RNF220: variants seen among roughly 807,000 people sequenced by gnomAD.
RNF220 encodes the protein ring finger protein 220.
RNF220 carries 7 observed loss-of-function variants against 67.1 expected under a neutral mutation model. That is an observed-to-expected ratio of 0.10 (90% confidence interval 0.06 to 0.20). The LOEUF is 0.20. Ranked by LOEUF, RNF220 falls within the 10% of genes least tolerant of loss-of-function variation. The probability of loss-of-function intolerance (pLI) is 1.00; values close to 1 mark genes in which losing one functional copy is unlikely to be tolerated. For missense variants in RNF220, 565 were observed against 740.3 expected (o/e 0.76, Z 2.75); for synonymous variants, 270 against 283.2 (o/e 0.95, Z 0.47).
At chr1:44,507,464 G>A (rs375512506) in intron 2 of RNF220, among the ~76,000 whole-genome samples, 1 of 152,016 alleles carries the variant, frequency 6.6e-6, no homozygotes, top group East Asian at 1.9e-4. Context: ...TGGGGGTGGG[G>A]TGAAGGGGGA....
intron 6 of RNF220, among the ~76,000 whole-genome samples, chr1:44,633,383 A>G (rs889856274): frequency 5.9e-5 from 9 of 152,212 alleles, no homozygotes; most frequent in Admixed American, 3.9e-4. Flanking sequence ...TGTTTCTCCA[A>G]CCATGCCATG....
chr1:44,551,411 G>T (rs566816952), intron 2 of RNF220, among the ~76,000 whole-genome samples: 1 of 44,202 alleles, frequency 2.3e-5, no homozygotes, highest in Non-Finnish European at 2.1e-4. Flanking sequence ...CACCGTGCCC[G>T]GCCATTTTTT....
intron 2 of RNF220, among the ~76,000 whole-genome samples, chr1:44,570,981 G>A (rs1433425381): frequency 6.6e-6 from 1 of 152,046 alleles, no homozygotes; most frequent in African/African-American, 2.4e-5. Context: ...GGCTGAGGCA[G>A]GAGAATCGCT....
In RNF220 at chr1:44,545,757, AT is replaced by A. The variant is rs11372709; in HGVS notation, c.626-68392del. Among the ~76,000 whole-genome samples, 1,295 of 140,624 alleles carry A rather than the reference AT, an allele frequency of 9.2e-3. 12 individuals carry two copies. The highest frequency in any genetic ancestry group is 0.026 in the African/African-American group (985 of 37,800). The allele number at this position is 140,624 out of a possible 152,430, so 92.3% of individuals were successfully genotyped here. A position where few individuals can be genotyped will look rare whatever the true frequency, so the allele number is the denominator to read the frequency against. ...CTGCAACCTCTTCATCAGAAACCCA[AT>A]TTTTTTTTTTTTTTTGAGATGGAGT... On this transcript the variant is annotated intron_variant, in intron 2 of 14. Coordinates refer to ENST00000361799, the MANE Select transcript of RNF220 (RefSeq NM_018150.4).
chr1:44,568,334 T>C (rs2148310392), intron 2 of RNF220, among the ~76,000 whole-genome samples: 1 of 152,338 alleles, frequency 6.6e-6, no homozygotes, highest in African/African-American at 2.4e-5. Context: ...AACATTCTAA[T>C]GATATGACTC....
intron 2 of RNF220, among the ~76,000 whole-genome samples, chr1:44,453,709 T>A (rs1652904280): frequency 6.6e-6 from 1 of 152,152 alleles, no homozygotes; most frequent in Admixed American, 6.5e-5. Context: ...GATATTTGCA[T>A]TTATGTTCTT....
intron 2 of RNF220, among the ~76,000 whole-genome samples, chr1:44,415,688 A>G (rs1648458669): frequency 7.2e-6 from 1 of 139,512 alleles, no homozygotes; most frequent in African/African-American, 2.6e-5. Context: ...TTAGCTTTAG[A>G]GTTTTGTTGG....
At chr1:44,535,592 T>G (rs1194590369) in intron 2 of RNF220, among the ~76,000 whole-genome samples, 2 of 152,222 alleles carry the variant, frequency 1.3e-5, no homozygotes, top group Non-Finnish European at 2.9e-5. Context: ...ACTATGGATC[T>G]CTAAAGGAAA....
At chr1:44,589,896 G>A (rs1665993957) in intron 2 of RNF220, among the ~76,000 whole-genome samples, 1 of 152,204 alleles carries the variant, frequency 6.6e-6, no homozygotes. Flanking sequence ...GTATGAGGCA[G>A]GGAGAAGGGG....
chr1:44,583,114 G>A (rs181893878), intron 2 of RNF220, among the ~76,000 whole-genome samples: 217 of 152,168 alleles, frequency 1.4e-3, no homozygotes, highest in African/African-American at 5.1e-3. Context: ...AAAAGGGAAC[G>A]CTTGTCAATC....
At chr1:44,424,377 C>T (rs1408597802) in intron 2 of RNF220, among the ~76,000 whole-genome samples, 3 of 152,082 alleles carry the variant, frequency 2.0e-5, no homozygotes, top group Non-Finnish European at 2.9e-5. Flanking sequence ...CCACACTAGA[C>T]TTCATCTTCA....
Position 44,649,651 on chromosome 1 carries a change from CT to C in RNF220, c.1446-5del. 2 of 1,613,716 alleles carry C rather than the reference CT, an allele frequency of 1.2e-6. No homozygotes were observed. Among genetic ancestry groups the C allele is most frequent in the Non-Finnish European group, 1.7e-6 (2 of 1,179,706 alleles). On this transcript the variant is annotated splice_polypyrimidine_tract_variant and intron_variant, in intron 12 of 14. Coordinates refer to ENST00000361799, the MANE Select transcript of RNF220 (RefSeq NM_018150.4). The surrounding 1 kb of genome is among the most constrained non-coding windows in gnomAD (Gnocchi z 5.9). ...CAGCCTGCTACCCAACCATGCCTTC[CT>C]TTTTACAGAATCACCGAAGATTCAG...
chr1:44,499,443 C>T (rs1657632017), intron 2 of RNF220, among the ~76,000 whole-genome samples: 1 of 152,138 alleles, frequency 6.6e-6, no homozygotes, highest in Non-Finnish European at 1.5e-5. Context: ...GTCCTCAGTG[C>T]ATATCATACT....
Position 44,646,881 on chromosome 1 carries a change from C to G in RNF220, c.1445+1393C>G, listed in dbSNP as rs191397421. ...GATTTCTCTATTTCTTGCCCTAGAT[C>G]TGTTTTACTACTCAGGGAAAAGGAA... is the stretch of plus-strand genomic sequence containing the variant. On this transcript the variant is annotated intron_variant, in intron 12 of 14. Coordinates refer to ENST00000361799, the MANE Select transcript of RNF220 (RefSeq NM_018150.4). Among the ~76,000 whole-genome samples, 217 of 152,300 alleles carry G rather than the reference C, an allele frequency of 1.4e-3. 1 individual carries two copies. Among genetic ancestry groups the G allele is most frequent in the Admixed American group, 0.014 (214 of 15,306 alleles).
In RNF220 at chr1:44,412,778, A is replaced by G; in HGVS notation, c.625+56A>G. 7 of 1,560,120 alleles carry G rather than the reference A, an allele frequency of 4.5e-6. No individual in the cohort carries two copies. Among genetic ancestry groups the G allele is most frequent in the Non-Finnish European group, 6.1e-6 (7 of 1,151,730 alleles). ...CCCCAGTAAGCCCTGCCTCACCGTG[A>G]TGTTCAACAGGTCGGTGGCGTTTTG... On this transcript the variant is annotated intron_variant, in intron 2 of 14. Coordinates refer to ENST00000361799, the MANE Select transcript of RNF220 (RefSeq NM_018150.4). The surrounding 1 kb of genome is among the most constrained non-coding windows in gnomAD (Gnocchi z 5.3).
Position 44,521,610 on chromosome 1 carries a change from T to C in RNF220, c.626-92555T>C, listed in dbSNP as rs188597883. On this transcript the variant is annotated intron_variant, in intron 2 of 14. Coordinates refer to ENST00000361799, the MANE Select transcript of RNF220 (RefSeq NM_018150.4). Reference sequence around the variant, plus strand: ...CAGGGGTGAGATAGCGTTTTCAGCATTGTTATCATTACTTCCTTAGGCAAG... The same window carrying C: ...CAGGGGTGAGATAGCGTTTTCAGCACTGTTATCATTACTTCCTTAGGCAAG... Among the ~76,000 whole-genome samples, 5 of 152,202 alleles carry C rather than the reference T, an allele frequency of 3.3e-5. 1 individual carries two copies. The highest frequency in any genetic ancestry group is 2.6e-4 in the Admixed American group (4 of 15,276).
chr1:44,459,074 A>C (rs1350393624), intron 2 of RNF220, among the ~76,000 whole-genome samples: 1 of 152,238 alleles, frequency 6.6e-6, no homozygotes, highest in Non-Finnish European at 1.5e-5. Context: ...AAAGCACCAA[A>C]AAAGAGAATG....
At chr1:44,532,749 C>T (rs188086276) in intron 2 of RNF220, among the ~76,000 whole-genome samples, 1 of 152,156 alleles carries the variant, frequency 6.6e-6, no homozygotes, top group Non-Finnish European at 1.5e-5. Context: ...TCATTATCTC[C>T]GTTAAGCCCC....
At chr1:44,495,008 T>C (rs1023664315) in intron 2 of RNF220, among the ~76,000 whole-genome samples, 4 of 151,586 alleles carry the variant, frequency 2.6e-5, no homozygotes, top group African/African-American at 9.7e-5. Flanking sequence ...AGCCCAGGAG[T>C]TCAAGACCAC....
Sources: gnomAD v4.1 joint callset for allele counts (sites outside exome capture counted in the v4.1 genomes callset) on GRCh38, gnomAD v4.1.1 for gene constraint, Gnocchi (gnomAD v3.1) non-coding constraint, MANE v1.5 for transcripts, NCBI Gene and HGNC (gene_info 2026-07-23, HGNC 2026-07-21) for gene names.